The following PLCL1 variants were observed in gnomAD, a reference collection of about 807,000 sequenced individuals.
PLCL1 encodes phospholipase C like 1 (inactive).
PLCL1 carries 41 observed loss-of-function variants against 84.4 expected under a neutral mutation model. The ratio of observed to expected loss-of-function variants is 0.49; its 90% CI spans 0.38 to 0.63. The LOEUF (loss-of-function observed/expected upper bound fraction) is 0.63, where lower values mean the gene tolerates loss of function less well. Among genes scored for constraint, PLCL1 ranks in the 30% least tolerant of loss-of-function variants. PLCL1 has a pLI of 0.00. For synonymous variants in PLCL1, 490 were observed against 488.3 expected (o/e 1.00, Z -0.05); for missense variants, 1,206 against 1,367.8 (o/e 0.88, Z 1.87).
intron 5 of PLCL1, among the ~76,000 whole-genome samples, chr2:198,136,116 TA>T (rs2105940987): frequency 6.6e-6 from 1 of 152,316 alleles, no homozygotes; most frequent in South Asian, 2.1e-4. Flanking sequence ...CTTGTCTTTT[TA>T]AGTTTCAAGA....
intron 1 of PLCL1, among the ~76,000 whole-genome samples, chr2:197,865,778 C>G (rs951784081): frequency 1.3e-5 from 2 of 151,192 alleles, no homozygotes; most frequent in African/African-American, 4.9e-5. Flanking sequence ...TTTGGGAGGC[C>G]AAGGTAGGTA....
chr2:198,092,427 A>G (rs1693068193), intron 3 of PLCL1, among the ~76,000 whole-genome samples: 1 of 152,194 alleles, frequency 6.6e-6, no homozygotes, highest in South Asian at 2.1e-4. Context: ...GTAATGATCA[A>G]ATTAGAGTAA....
chr2:197,897,579 C>A (rs1688178485), intron 1 of PLCL1, among the ~76,000 whole-genome samples: 1 of 151,742 alleles, frequency 6.6e-6, no homozygotes, highest in Non-Finnish European at 1.5e-5. Context: ...GAGAAAAAAA[C>A]AAACAAAAAT....
intron 3 of PLCL1, among the ~76,000 whole-genome samples, chr2:198,093,525 G>C (rs1693108032): frequency 6.6e-6 from 1 of 152,096 alleles, no homozygotes; most frequent in Non-Finnish European, 1.5e-5. Context: ...GATGAATAAG[G>C]GAAAAAAGCA....
intron 1 of PLCL1, among the ~76,000 whole-genome samples, chr2:197,994,012 C>T: frequency 6.6e-6 from 1 of 152,204 alleles, no homozygotes; most frequent in East Asian, 1.9e-4. Flanking sequence ...CAGTGAGTCA[C>T]TTACCCTTTA....
At chr2:198,118,688 T>C (rs867682439) in intron 5 of PLCL1, among the ~76,000 whole-genome samples, 4 of 152,104 alleles carry the variant, frequency 2.6e-5, no homozygotes, top group African/African-American at 9.6e-5. Flanking sequence ...AATCCCTGAA[T>C]TGGCCAGAGC....
intron 1 of PLCL1, among the ~76,000 whole-genome samples, chr2:197,975,606 C>T (rs1333513717): frequency 1.3e-5 from 2 of 151,832 alleles, no homozygotes; most frequent in Non-Finnish European, 2.9e-5. Flanking sequence ...GAGTTCGAGA[C>T]CAGTCTGTGC....
chr2:198,025,626 G>C (rs1037802249), intron 1 of PLCL1, among the ~76,000 whole-genome samples: 4 of 152,106 alleles, frequency 2.6e-5, no homozygotes, highest in Admixed American at 2.6e-4. Flanking sequence ...TCAATTTTTT[G>C]TGTGAGTTGA....
At chr2:197,991,332 C>G (rs977377210) in intron 1 of PLCL1, among the ~76,000 whole-genome samples, 2 of 152,160 alleles carry the variant, frequency 1.3e-5, no homozygotes, top group African/African-American at 2.4e-5. Flanking sequence ...GGGATTCCAG[C>G]TTGCAGATGG....
intron 1 of PLCL1, among the ~76,000 whole-genome samples, chr2:197,871,333 G>A (rs1446750929): frequency 3.3e-5 from 5 of 152,134 alleles, no homozygotes; most frequent in South Asian, 4.2e-4. Flanking sequence ...CTTAGAATGA[G>A]GTTCATAAGG....
At chr2:197,985,890 G>A (rs925271739) in intron 1 of PLCL1, among the ~76,000 whole-genome samples, 2 of 152,198 alleles carry the variant, frequency 1.3e-5, no homozygotes, top group African/African-American at 2.4e-5. Flanking sequence ...ATAGACTACA[G>A]CATTACTTAG....
intron 1 of PLCL1, among the ~76,000 whole-genome samples, chr2:197,844,008 G>A (rs1164803289): frequency 6.6e-6 from 1 of 152,100 alleles, no homozygotes; most frequent in Non-Finnish European, 1.5e-5. Context: ...CAAGTTTTAT[G>A]CAATTAGAAA....
At chr2:198,049,774 T>C (rs1447926999) in intron 1 of PLCL1, among the ~76,000 whole-genome samples, 1 of 152,166 alleles carries the variant, frequency 6.6e-6, no homozygotes, top group Non-Finnish European at 1.5e-5. Context: ...GTCCCTGACT[T>C]CAATAATGTT....
chr2:197,907,307 T>C (rs549985122), intron 1 of PLCL1, among the ~76,000 whole-genome samples: 20 of 152,252 alleles, frequency 1.3e-4, no homozygotes, highest in African/African-American at 4.6e-4. Flanking sequence ...GGTGTGATCT[T>C]GGCTCACTGC....
At chr2:198,112,195 A>G (rs560932851) in intron 5 of PLCL1, among the ~76,000 whole-genome samples, 1 of 151,876 alleles carries the variant, frequency 6.6e-6, no homozygotes, top group East Asian at 2.0e-4. Flanking sequence ...TTATTTGTCC[A>G]TCTCCTATGA....
Position 197,905,249 on chromosome 2 carries a change from A to T in PLCL1, c.240+99910A>T, listed in dbSNP as rs1328597612. Among the ~76,000 whole-genome samples the T allele has an allele frequency of 3.3e-5, 5 of 151,734 alleles. No individual in the cohort carries two copies. In the East Asian group the frequency reaches 7.7e-4, roughly 24 times the overall value. ...CTCCTAATGCTATCCCTCCCCTAGC[A>T]CCCTATCCCCCAATAGGCCCCAGTG... On this transcript the variant is annotated intron_variant, in intron 1 of 5. Transcript: ENST00000428675.
intron 1 of PLCL1, among the ~76,000 whole-genome samples, chr2:197,959,636 T>C (rs919670903): frequency 2.0e-5 from 3 of 152,078 alleles, no homozygotes; most frequent in East Asian, 1.9e-4. Flanking sequence ...GTTTGGCTCA[T>C]CTAGAGTTGT....
At chr2:198,087,191 C>A (rs1358656241) in intron 2 of PLCL1, among the ~76,000 whole-genome samples, 1 of 152,110 alleles carries the variant, frequency 6.6e-6, no homozygotes, top group South Asian at 2.1e-4. Flanking sequence ...GGTCTCTGAT[C>A]ATCAATATTC....
At chr2:198,118,039 A>G (rs1373468016) in intron 5 of PLCL1, among the ~76,000 whole-genome samples, 1 of 151,922 alleles carries the variant, frequency 6.6e-6, no homozygotes, top group East Asian at 1.9e-4. Context: ...AACCCTGCTT[A>G]TTGTAAGCTC....
Sources: gnomAD v4.1 joint callset for allele counts (sites outside exome capture counted in the v4.1 genomes callset) on GRCh38, gnomAD v4.1.1 for gene constraint, MANE v1.5 for transcripts, NCBI Gene and HGNC (gene_info 2026-07-23, HGNC 2026-07-21) for gene names.